Variants in PHF20L1 observed in about 807,000 individuals in gnomAD.
PHF20L1 encodes the protein PHD finger protein 20-like protein 1.
Under a neutral mutation model 125.5 loss-of-function variants are expected in PHF20L1, and 44 were observed. The observed-to-expected ratio is 0.35, with a 90% CI of 0.28 to 0.45. The LOEUF is 0.45. Among genes scored for constraint, PHF20L1 ranks in the 20% least tolerant of loss-of-function variants. The probability of loss-of-function intolerance (pLI) is 1.00; values close to 1 mark genes in which losing one functional copy is unlikely to be tolerated. For missense variants in PHF20L1, 1,012 were observed against 1,217.2 expected (o/e 0.83, Z 2.51); for synonymous variants, 380 against 403.1 (o/e 0.94, Z 0.69).
At chr8:132,828,634 T>G (rs774053367) in intron 14 of PHF20L1, among the ~76,000 whole-genome samples, 9 of 152,096 alleles carry the variant, frequency 5.9e-5, no homozygotes, top group Non-Finnish European at 1.3e-4. Flanking sequence ...ATGTTTTGAT[T>G]AACATAATTG....
At chr8:132,807,710 T>C (rs1041773935) in intron 8 of PHF20L1, 2 of 455,582 alleles carry the variant, frequency 4.4e-6, no homozygotes, top group Non-Finnish European at 8.8e-6. Context: ...GTTCTACTTA[T>C]TCGTATTGGC....
intron 4 of PHF20L1, among the ~76,000 whole-genome samples, chr8:132,795,037 A>C (rs773624151): frequency 6.6e-6 from 1 of 152,162 alleles, no homozygotes; most frequent in Non-Finnish European, 1.5e-5. Context: ...AGACAAAAAT[A>C]GTTGGTTAAA....
rs192087900 is a variant in PHF20L1, at chr8:132,845,122, T to C, written c.2912-659T>C. ...GAGTTAATGTGATGTTTTGAGTCCA[T>C]GTTTGAAGAAAAGAAAATGCATCTT... On this transcript the variant is annotated intron_variant, in intron 20 of 20. Coordinates refer to ENST00000395386, the MANE Select transcript of PHF20L1 (RefSeq NM_016018.5). 8.9e-4 allele frequency among the ~76,000 whole-genome samples: 135 copies of C among 152,178 alleles called. 1 individual carries two copies. Among genetic ancestry groups the C allele is most frequent in the Middle Eastern group, 3.4e-3 (1 of 294 alleles).
chr8:132,817,012 A>G lies in PHF20L1; in HGVS notation c.1308A>G (p.Pro436=). 1 of 1,609,134 alleles carries G rather than the reference A, an allele frequency of 6.2e-7. No homozygotes were observed. Among genetic ancestry groups the G allele is most frequent in the Non-Finnish European group, 8.5e-7 (1 of 1,177,452 alleles). The change falls in exon 11 of 21, where the codon CCA becomes CCG. Residue 436 remains proline, a synonymous_variant. Transcript: ENST00000395386. ...DSVEKVSSPS[P]ATDGKVFSIS... ...TAGAAAAGGTTTCTTCTCCCTCTCC[A>G]GCCACTGATGGGAAAGTATTCTCCA...
intron 13 of PHF20L1, chr8:132,824,710 T>G (rs147901958): frequency 1.4e-3 from 245 of 174,266 alleles, no homozygotes; most frequent in African/African-American, 5.3e-3. Flanking sequence ...CTTTACAATT[T>G]TGGAAAAATT....
intron 2 of PHF20L1, among the ~76,000 whole-genome samples, chr8:132,788,464 T>C (rs984813575): frequency 5.9e-5 from 9 of 152,132 alleles, no homozygotes; most frequent in Non-Finnish European, 1.2e-4. Context: ...TCATGGTCTT[T>C]AGGGCATTTG....
chr8:132,796,057 A>C (rs1012312809), intron 4 of PHF20L1, among the ~76,000 whole-genome samples: 1 of 152,184 alleles, frequency 6.6e-6, no homozygotes, highest in African/African-American at 2.4e-5. Context: ...ACATTGAGTG[A>C]CAGCTTCTTG....
intron 2 of PHF20L1, among the ~76,000 whole-genome samples, chr8:132,784,065 C>A (rs1301769189): frequency 1.3e-5 from 2 of 152,130 alleles, no homozygotes; most frequent in Admixed American, 6.5e-5. Context: ...CAAAAGAAAG[C>A]CCCGTAAATT....
intron 9 of PHF20L1, chr8:132,812,894 T>A (rs1206736008): frequency 1.8e-5 from 18 of 980,258 alleles, no homozygotes; most frequent in African/African-American, 3.5e-5. Flanking sequence ...TTATATTTTT[T>A]AAAAATTCAA....
At chr8:132,800,135 T>C (rs554781202) in intron 6 of PHF20L1, among the ~76,000 whole-genome samples, 2 of 151,764 alleles carry the variant, frequency 1.3e-5, no homozygotes, top group African/African-American at 4.8e-5. Flanking sequence ...CTTAAAACTT[T>C]GTTTTTTCAA....
intron 15 of PHF20L1, among the ~76,000 whole-genome samples, chr8:132,835,496 C>G (rs779283305): frequency 6.6e-6 from 1 of 152,094 alleles, no homozygotes; most frequent in Non-Finnish European, 1.5e-5. Flanking sequence ...CCGTGTCTGT[C>G]TCAATTTTCT....
chr8:132,807,155 T>C (rs897376917), intron 8 of PHF20L1: 2 of 152,662 alleles, frequency 1.3e-5, no homozygotes, highest in East Asian at 1.9e-4. Context: ...TATACACATA[T>C]ACATATATCA....
intron 4 of PHF20L1, among the ~76,000 whole-genome samples, chr8:132,796,270 T>C (rs567735572): frequency 1.3e-5 from 2 of 152,132 alleles, no homozygotes; most frequent in African/African-American, 4.8e-5. Flanking sequence ...GGTGATAGAA[T>C]AGCTAGAGTA....
rs767643807 is a variant in PHF20L1, at chr8:132,816,920, T to C, written c.1216T>C (p.Phe406Leu). ...ACAGCCTGTGAATCCCCCTAGACCT[T>C]TCAAGCATAGTGAGCGGAGAAGAAG... ...PPQPVNPPRP[F>L]KHSERRRRSQ... Residue 406 changes from phenylalanine to leucine, a missense_variant, in exon 11 of 21, where the codon TTC (phenylalanine) becomes CTC (leucine). By Grantham distance (22) the Phe-to-Leu change is conservative (BLOSUM62 0). Around this residue, in one of 7 missense-constraint regions of PHF20L1, gnomAD observed 119 missense variants for 160.2 expected, o/e 0.74. Coordinates refer to ENST00000395386, the MANE Select transcript of PHF20L1 (RefSeq NM_016018.5). 1 of 1,612,334 alleles carries C rather than the reference T, an allele frequency of 6.2e-7. No individual in the cohort carries two copies. Among genetic ancestry groups the C allele is most frequent in the Non-Finnish European group, 8.5e-7 (1 of 1,178,850 alleles).
In PHF20L1 at chr8:132,846,045, A is replaced by G; in HGVS notation, c.*122A>G. The G allele has an allele frequency of 1.4e-6, 1 of 725,594 alleles. No individual in the cohort carries two copies. The allele number at this position is 725,594 out of a possible 1,614,324, so 44.9% of individuals were successfully genotyped here. A position where few individuals can be genotyped will look rare whatever the true frequency, so the allele number is the denominator to read the frequency against. On this transcript the variant is annotated 3_prime_UTR_variant, in exon 21 of 21. Transcript: ENST00000395386. ...ATGTCTGGTCATTCACTGATTTGTG[A>G]TGTCAATAGGATGGCACCTTGGAAA...
In PHF20L1 at chr8:132,816,891, C is replaced by T; in HGVS notation, c.1187C>T (p.Pro396Leu). Residue 396 changes from proline to leucine, a missense_variant, in exon 11 of 21, where the codon CCT (proline) becomes CTT (leucine). Physicochemically the swap from Pro to Leu is moderately conservative, Grantham distance 98. This residue lies in a region of PHF20L1 where 119 missense variants were observed against 160.2 expected (regional missense o/e 0.74). Coordinates refer to ENST00000395386, the MANE Select transcript of PHF20L1 (RefSeq NM_016018.5). ...LSSSVINKTS[P>L]PQPVNPPRPF... is the part of the protein sequence containing the mutation. ...AACATTGAAGATCTTTTTCTAGGTCCTCCACAGCCTGTGAATCCCCCTAGA... is the reference window on the plus strand; with the variant it reads ...AACATTGAAGATCTTTTTCTAGGTCTTCCACAGCCTGTGAATCCCCCTAGA... 1.2e-6 allele frequency: 2 copies of T among 1,608,664 alleles called. No individual in the cohort carries two copies. The highest frequency in any genetic ancestry group is 8.5e-7 in the Non-Finnish European group (1 of 1,176,230).
intron 13 of PHF20L1, 44 bp from the exon 14 acceptor site, chr8:132,825,220 C>T: frequency 1.3e-6 from 2 of 1,589,986 alleles, no homozygotes; most frequent in Non-Finnish European, 1.7e-6. Context: ...AGGAACAACT[C>T]AGGATCAGTC....
intron 2 of PHF20L1, 107 bp from the exon 3 acceptor site, chr8:132,794,303 T>A (rs1247363638): frequency 1.6e-6 from 1 of 638,552 alleles, no homozygotes. Flanking sequence ...TTTATTGTTT[T>A]CTTCATGGTT....
chr8:132,842,963 A>T, intron 19 of PHF20L1, 88 bp downstream of exon 19: 2 of 1,473,152 alleles, frequency 1.4e-6, no homozygotes, highest in African/African-American at 2.8e-5. Flanking sequence ...GAATTCCCAG[A>T]TTTTAGTTGT....
Sources: allele counts gnomAD v4.1 joint callset (sites outside exome capture counted in the v4.1 genomes callset), GRCh38; gene constraint gnomAD v4.1.1; regional missense constraint gnomAD v4.1.1; transcripts MANE v1.5; gene names NCBI Gene and HGNC (gene_info 2026-07-23, HGNC 2026-07-21).